Variants in TTC4 observed in about 807,000 individuals in gnomAD.
The protein encoded by TTC4 is tetratricopeptide repeat domain 4, also known as hsp70/Hsp90 co-chaperone CNS1 homolog.
A neutral mutation model predicts 51.9 loss-of-function variants in TTC4; 36 were observed. The ratio of observed to expected loss-of-function variants is 0.69; its 90% confidence interval spans 0.53 to 0.92. The LOEUF (loss-of-function observed/expected upper bound fraction) is 0.92, where lower values mean the gene tolerates loss of function less well. Ranked by LOEUF, TTC4 falls within the 40% of genes least tolerant of loss-of-function variation. The probability of loss-of-function intolerance (pLI) is 0.00; values close to 1 mark genes in which losing one functional copy is unlikely to be tolerated. For synonymous variants in TTC4, 144 were observed against 164.2 expected, an observed-to-expected ratio of 0.88 and a Z score of 0.94; for missense variants, 399 against 454.6, an observed-to-expected ratio of 0.88 and a Z score of 1.11.
intron 9 of TTC4, among the ~76,000 whole-genome samples, chr1:54,740,489 C>T (rs1645998695): frequency 6.6e-6 from 1 of 152,184 alleles, no homozygotes; most frequent in Non-Finnish European, 1.5e-5. Flanking sequence ...ACCCAGAATT[C>T]TTTAAAGGCC....
chr1:54,738,691 T>C (rs1202765853), intron 9 of TTC4, among the ~76,000 whole-genome samples: 2 of 142,674 alleles, frequency 1.4e-5, no homozygotes, highest in Non-Finnish European at 3.0e-5. Context: ...GACATCTCGC[T>C]CTGTCACCCA....
chr1:54,723,133 C>T (rs933239267), intron 5 of TTC4, among the ~76,000 whole-genome samples: 6 of 152,206 alleles, frequency 3.9e-5, no homozygotes, highest in African/African-American at 1.4e-4. Flanking sequence ...TGTTTAGCTA[C>T]ACAGATACTT....
chr1:54,735,840 T>C (rs1247178086), intron 8 of TTC4, among the ~76,000 whole-genome samples: 1 of 152,232 alleles, frequency 6.6e-6, no homozygotes, highest in Non-Finnish European at 1.5e-5. Flanking sequence ...ATTGTTTCTT[T>C]TATGCTCAGA....
chr1:54,721,840 C>G (rs1028702829), intron 4 of TTC4, among the ~76,000 whole-genome samples: 1 of 152,200 alleles, frequency 6.6e-6, no homozygotes, highest in Non-Finnish European at 1.5e-5. Flanking sequence ...AGATCCATGT[C>G]CCTCAGCTGT....
At chr1:54,732,573 C>T (rs1645880604) in intron 7 of TTC4, among the ~76,000 whole-genome samples, 1 of 151,508 alleles carries the variant, frequency 6.6e-6, no homozygotes, top group South Asian at 2.1e-4. Flanking sequence ...ATCCTCCTGC[C>T]TCAGCCTCTC....
intron 6 of TTC4, among the ~76,000 whole-genome samples, chr1:54,728,669 G>GA (rs1418227770): frequency 6.6e-6 from 1 of 152,174 alleles, no homozygotes; most frequent in Non-Finnish European, 1.5e-5. Context: ...CCACTTACCT[G>GA]AAGCAGATGT....
At chr1:54,718,135 C>CT (rs942858521) in intron 3 of TTC4, among the ~76,000 whole-genome samples, 2 of 152,068 alleles carry the variant, frequency 1.3e-5, no homozygotes, top group African/African-American at 4.8e-5. Context: ...AATCCAAGCA[C>CT]TTTGGGAGGC....
chr1:54,718,083 G>A (rs1051274683), intron 3 of TTC4, among the ~76,000 whole-genome samples: 1 of 152,144 alleles, frequency 6.6e-6, no homozygotes, highest in Non-Finnish European at 1.5e-5. Flanking sequence ...GGACCTTTGA[G>A]TTAAAAATAT....
At chr1:54,730,653 C>A (rs1570052487) in intron 6 of TTC4, among the ~76,000 whole-genome samples, 1 of 152,160 alleles carries the variant, frequency 6.6e-6, no homozygotes, top group East Asian at 1.9e-4. Flanking sequence ...CTTAGGCACC[C>A]CTGCACACTT....
Position 54,741,574 on chromosome 1 carries a change from G to C in TTC4, c.*61G>C, listed in dbSNP as rs1270019996. 1.5e-6 allele frequency: 2 copies of C among 1,341,016 alleles called. No individual in the cohort carries two copies. Among genetic ancestry groups the C allele is most frequent in the Non-Finnish European group, 2.1e-6 (2 of 933,450 alleles). 83.1% of individuals were successfully genotyped at this position (1,341,016 alleles called of 1,614,324 possible). A position where few individuals can be genotyped will look rare whatever the true frequency, so the allele number is the denominator to read the frequency against. On this transcript the variant is annotated 3_prime_UTR_variant, in exon 10 of 10. Transcript: ENST00000371281. ...CCTCTGCTGGGAACCTAGCACACCT[G>C]AATCAGCTGGACATACTGCTGGAGT...
chr1:54,738,510 A>G (rs1161346570), intron 9 of TTC4, among the ~76,000 whole-genome samples: 1 of 152,192 alleles, frequency 6.6e-6, no homozygotes, highest in Non-Finnish European at 1.5e-5. Context: ...GGCCGGGCCC[A>G]TAAAACTCAG....
At chr1:54,723,405 C>T (rs1156840678) in intron 5 of TTC4, among the ~76,000 whole-genome samples, 6 of 152,186 alleles carry the variant, frequency 3.9e-5, no homozygotes, top group Admixed American at 2.6e-4. Context: ...AACAATGTCA[C>T]GTGTTCAGGG....
chr1:54,729,893 G>A (rs973968317), intron 6 of TTC4, among the ~76,000 whole-genome samples: 1 of 152,062 alleles, frequency 6.6e-6, no homozygotes, highest in Non-Finnish European at 1.5e-5. Context: ...GCTAATTTTT[G>A]TATTTTTAGT....
rs759684789 is a variant in TTC4, at chr1:54,715,889, T to C, written c.-20T>C. ...CGCTTCACGGCGCTGGGACCCGGGC[T>C]GGAAGGCAGGGCATCAGCTATGGAA... On this transcript the variant is annotated 5_prime_UTR_variant, in exon 1 of 10. Coordinates refer to ENST00000371281, the MANE Select transcript of TTC4 (RefSeq NM_004623.5). 1 of 1,583,950 alleles carries C rather than the reference T, an allele frequency of 6.3e-7. No individual in the cohort carries two copies. The highest frequency in any genetic ancestry group is 8.6e-7 in the Non-Finnish European group (1 of 1,162,772).
rs1171427217 is a variant in TTC4, at chr1:54,742,600, T to C, written c.*1087T>C. 2 of 152,252 alleles carry C rather than the reference T, an allele frequency of 1.3e-5. No homozygotes were observed. The highest frequency in any genetic ancestry group is 2.9e-5 in the Non-Finnish European group (2 of 68,060). 9.4% of individuals were successfully genotyped at this position (152,252 alleles called of 1,614,324 possible). On this transcript the variant is annotated 3_prime_UTR_variant, in exon 10 of 10. Coordinates refer to ENST00000371281, the MANE Select transcript of TTC4 (RefSeq NM_004623.5). ...GTAAGCAGTGAGATTTAGGGGTTGG[T>C]TGTTACTATAGCAGAGCTAATACAT... is the stretch of plus-strand genomic sequence containing the variant.
At chr1:54,736,773 CTT>C (rs1645949652) in intron 8 of TTC4, 1 of 152,670 alleles carries the variant, frequency 6.6e-6, no homozygotes, top group Non-Finnish European at 1.5e-5. Context: ...TACTTGGACT[CTT>C]GACTCCACAT....
chr1:54,726,358 T>G (rs1645799610), intron 5 of TTC4, among the ~76,000 whole-genome samples: 1 of 152,110 alleles, frequency 6.6e-6, no homozygotes, highest in African/African-American at 2.4e-5. Context: ...ATCTAGCAAA[T>G]CTATTCTTCA....
intron 8 of TTC4, among the ~76,000 whole-genome samples, chr1:54,736,265 A>T (rs1252310583): frequency 0.039 from 4,836 of 123,114 alleles, 621 homozygotes; most frequent in African/African-American, 0.1. Flanking sequence ...AGAGAGAGAG[A>T]GAGAGACCAT....
chr1:54,728,615 C>T (rs1645828511), intron 6 of TTC4, among the ~76,000 whole-genome samples, 183 bp downstream of exon 6: 1 of 152,192 alleles, frequency 6.6e-6, no homozygotes, highest in African/African-American at 2.4e-5. Context: ...TCAGTCAGCT[C>T]TCTCATGTGC....
Sources: allele counts gnomAD v4.1 joint callset (sites outside exome capture counted in the v4.1 genomes callset), GRCh38; gene constraint gnomAD v4.1.1; transcripts MANE v1.5; gene names NCBI Gene and HGNC (gene_info 2026-07-23, HGNC 2026-07-21).